The following KIF6 variants were observed in gnomAD, a reference collection of about 807,000 sequenced individuals.
KIF6 encodes the protein kinesin family member 6, also known as kinesin-like protein KIF6.
KIF6 carries 106 observed loss-of-function variants against 112.7 expected under a neutral mutation model. The ratio of observed to expected loss-of-function variants is 0.94; its 90% CI spans 0.80 to 1.11. KIF6 has a LOEUF of 1.11. KIF6 is among the 50% of genes least tolerant of loss of function. KIF6 has a pLI of 0.00. For synonymous variants in KIF6, 339 were observed against 339.9 expected, an observed-to-expected ratio of 1.00 and a Z score of 0.03; for missense variants, 929 against 964.0, an observed-to-expected ratio of 0.96 and a Z score of 0.48.
rs555188288 is a variant in KIF6 at position 39,688,783 on chromosome 6, G to T, written c.251+25909C>A. 7.9e-4 allele frequency among the ~76,000 whole-genome samples: 121 copies of T among 152,280 alleles called. 1 individual carries two copies. Among genetic ancestry groups the T allele is most frequent in the African/African-American group, 2.8e-3 (115 of 41,556 alleles). ...GAAGTGGAGAACTGTATACAATCTG[G>T]CTTTTTATTTATTGTGAATAAAGAT... On this transcript the variant is annotated intron_variant, in intron 3 of 22. Coordinates refer to ENST00000287152, the MANE Select transcript of KIF6 (RefSeq NM_145027.6).
At chr6:39,384,114 G>T (rs1288788895) in intron 16 of KIF6, among the ~76,000 whole-genome samples, 1 of 152,206 alleles carries the variant, frequency 6.6e-6, no homozygotes, top group African/African-American at 2.4e-5. Flanking sequence ...CTTCTCTTCT[G>T]TTTGGATGCC....
intron 2 of KIF6, among the ~76,000 whole-genome samples, chr6:39,717,603 G>A (rs186017369): frequency 8.6e-5 from 13 of 151,924 alleles, no homozygotes; most frequent in Admixed American, 4.6e-4. Context: ...ACCTTCTGAC[G>A]TACATTTTGC....
At chr6:39,367,077 G>T (rs1037715065) in intron 16 of KIF6, among the ~76,000 whole-genome samples, 3 of 152,142 alleles carry the variant, frequency 2.0e-5, no homozygotes, top group African/African-American at 7.2e-5. Context: ...ACGTTGTCAT[G>T]ACAACCAAAT....
chr6:39,620,899 G>A (rs1170753321), intron 5 of KIF6, among the ~76,000 whole-genome samples: 4 of 151,996 alleles, frequency 2.6e-5, no homozygotes, highest in African/African-American at 9.7e-5. Flanking sequence ...CTCCCAAGTA[G>A]CTGAGATTAC....
intron 19 of KIF6, chr6:39,353,918 C>T (rs1445159831): frequency 5.3e-6 from 3 of 565,768 alleles, no homozygotes; most frequent in African/African-American, 3.8e-5. Flanking sequence ...GTGTGATGCC[C>T]AGACCCATGG....
At chr6:39,555,455 G>A (rs370143159) in intron 10 of KIF6, among the ~76,000 whole-genome samples, 13 of 152,134 alleles carry the variant, frequency 8.5e-5, no homozygotes, top group African/African-American at 3.1e-4. Context: ...TACCCTGCTG[G>A]GCCCTCAGCC....
At chr6:39,573,447 G>C (rs1391452152) in intron 10 of KIF6, among the ~76,000 whole-genome samples, 1 of 152,216 alleles carries the variant, frequency 6.6e-6, no homozygotes, top group Non-Finnish European at 1.5e-5. Flanking sequence ...GAAACATAAT[G>C]ATAACAATTT....
chr6:39,678,860 C>T (rs1052177480), intron 3 of KIF6, among the ~76,000 whole-genome samples: 1 of 152,074 alleles, frequency 6.6e-6, no homozygotes, highest in African/African-American at 2.4e-5. Flanking sequence ...TACAATAGAA[C>T]ATTTTGGAGT....
chr6:39,378,832 G>A lies in KIF6; in HGVS notation c.1861+6790C>T, dbSNP rs567043027. Among the ~76,000 whole-genome samples the A allele has an allele frequency of 1.3e-5, 2 of 152,222 alleles. No homozygotes were observed. The highest frequency in any genetic ancestry group is 2.4e-5 in the African/African-American group (1 of 41,454). On this transcript the variant is annotated intron_variant, in intron 16 of 22. Coordinates refer to ENST00000287152, the MANE Select transcript of KIF6 (RefSeq NM_145027.6). This position sits in a 1 kb window ranked among gnomAD's most constrained non-coding sequence, Gnocchi z 5.0. ...GAGAGAGGCCACAGCCCACGTTCCT[G>A]GGGCTGGATTCTTCCAGTTTTAGTC...
intron 7 of KIF6, among the ~76,000 whole-genome samples, chr6:39,590,444 TATATA>T (rs1344819512): frequency 7.1e-5 from 9 of 126,870 alleles, no homozygotes; most frequent in African/African-American, 1.6e-4. Context: ...TATATATATA[TATATA>T]TATTTTTTTT....
At chr6:39,379,779 A>T (rs886519984) in intron 16 of KIF6, among the ~76,000 whole-genome samples, 1 of 152,200 alleles carries the variant, frequency 6.6e-6, no homozygotes, top group African/African-American at 2.4e-5. Context: ...CCCTCTGTGG[A>T]TTCCATGATG....
At chr6:39,605,664 G>C (rs561434280) in intron 6 of KIF6, among the ~76,000 whole-genome samples, 110 of 152,170 alleles carry the variant, frequency 7.2e-4, no homozygotes, top group Non-Finnish European at 1.3e-3. Flanking sequence ...TGGACATCAA[G>C]ATCAGTAACA....
intron 3 of KIF6, among the ~76,000 whole-genome samples, chr6:39,648,105 A>G (rs1008835401): frequency 1.4e-5 from 2 of 143,922 alleles, no homozygotes; most frequent in Non-Finnish European, 3.0e-5. Context: ...CTCACTGCAA[A>G]CTCTGCCTCC....
At position 39,478,612 on chromosome 6, in the gene KIF6, G is replaced by A. The variant is rs143316247; in HGVS notation, c.1646-47451C>T. ...ACTTTTAGTTCTTTAAGGAATCGCCGCACTGTTTTCCATGGTGGTTGTTCT... is the reference window on the plus strand; with the variant it reads ...ACTTTTAGTTCTTTAAGGAATCGCCACACTGTTTTCCATGGTGGTTGTTCT... On this transcript the variant is annotated intron_variant, in intron 13 of 22. Transcript: ENST00000287152. Among the ~76,000 whole-genome samples, 628 of 151,928 alleles carry A rather than the reference G, an allele frequency of 4.1e-3. 2 individuals are homozygous for A. Among genetic ancestry groups the A allele is most frequent in the African/African-American group, 0.014 (579 of 41,442 alleles).
intron 21 of KIF6, 108 bp downstream of exon 21, chr6:39,345,590 GTC>G (rs1156741761): frequency 1.2e-6 from 1 of 825,084 alleles, no homozygotes; most frequent in Non-Finnish European, 1.9e-6. Context: ...CCTGGGTTCT[GTC>G]TGTGTGGCTA....
At chr6:39,650,707 T>A (rs1354538518) in intron 3 of KIF6, among the ~76,000 whole-genome samples, 1 of 152,080 alleles carries the variant, frequency 6.6e-6, no homozygotes, top group Non-Finnish European at 1.5e-5. Context: ...CAAAATTTTA[T>A]ACAACAATGT....
chr6:39,398,052 C>G (rs1214695233), intron 15 of KIF6, among the ~76,000 whole-genome samples: 1 of 152,080 alleles, frequency 6.6e-6, no homozygotes, highest in Non-Finnish European at 1.5e-5. Flanking sequence ...TAAATGGAGG[C>G]TAAATATACA....
intron 3 of KIF6, among the ~76,000 whole-genome samples, chr6:39,648,490 GA>G (rs1225982559): frequency 6.6e-6 from 1 of 152,182 alleles, no homozygotes; most frequent in African/African-American, 2.4e-5. Context: ...AGAGTGATCT[GA>G]AAGACACCTC....
intron 10 of KIF6, among the ~76,000 whole-genome samples, chr6:39,563,896 T>C (rs1780147985): frequency 6.6e-6 from 1 of 152,238 alleles, no homozygotes; most frequent in South Asian, 2.1e-4. Flanking sequence ...GGCCAAAAAT[T>C]GCACCTCATT....
Sources: allele counts gnomAD v4.1 joint callset (sites outside exome capture counted in the v4.1 genomes callset), GRCh38; gene constraint gnomAD v4.1.1; non-coding constraint Gnocchi (gnomAD v3.1); transcripts MANE v1.5; gene names NCBI Gene and HGNC (gene_info 2026-07-23, HGNC 2026-07-21).